The following RBFOX1 variants were observed in gnomAD, a reference collection of about 807,000 sequenced individuals.
RBFOX1 encodes the protein RNA binding protein fox-1 homolog 1.
In RBFOX1, 8 loss-of-function variants were observed where a neutral mutation model predicts 57.7. The ratio of observed to expected loss-of-function variants is 0.14; its 90% CI spans 0.08 to 0.25. The LOEUF is 0.25. RBFOX1 is among the 10% of genes least tolerant of loss of function. RBFOX1 has a pLI of 1.00. For missense variants in RBFOX1, 611 were observed against 548.5 expected (o/e 1.11, Z -1.14); for synonymous variants, 326 against 222.4 (o/e 1.47, Z -4.15).
intron 3 of RBFOX1, among the ~76,000 whole-genome samples, chr16:6,916,034 C>G (rs1237823406): frequency 6.6e-6 from 1 of 152,010 alleles, no homozygotes; most frequent in Admixed American, 6.6e-5. Context: ...TCTTGACTGG[C>G]AGGAAGACAG....
intron 3 of RBFOX1, among the ~76,000 whole-genome samples, chr16:5,835,319 G>A (rs1479955807): frequency 5.3e-5 from 8 of 152,186 alleles, no homozygotes; most frequent in Admixed American, 2.6e-4. Flanking sequence ...AAAGGGCAGG[G>A]CACGTAGACA....
chr16:7,323,912 G>A (rs1209828952), intron 4 of RBFOX1, among the ~76,000 whole-genome samples: 1 of 147,920 alleles, frequency 6.8e-6, no homozygotes, highest in African/African-American at 2.5e-5. Flanking sequence ...GAGTGGATGG[G>A]TGGGTAGACG....
intron 4 of RBFOX1, among the ~76,000 whole-genome samples, chr16:7,131,299 C>G (rs763236090): frequency 6.2e-5 from 9 of 146,172 alleles, no homozygotes; most frequent in Non-Finnish European, 1.0e-4. Flanking sequence ...TGAGCCAAGA[C>G]CACACCATTG....
chr16:6,231,830 A>G (rs900103360), intron 1 of RBFOX1, among the ~76,000 whole-genome samples: 7 of 58,970 alleles, frequency 1.2e-4, no homozygotes, highest in East Asian at 7.5e-4. Flanking sequence ...GTAGCTTTCC[A>G]GTTTTTTTTT....
intron 1 of RBFOX1, among the ~76,000 whole-genome samples, chr16:6,156,491 G>C (rs950682300): frequency 3.9e-5 from 6 of 152,162 alleles, no homozygotes; most frequent in African/African-American, 1.4e-4. Context: ...CCTTGAGAAG[G>C]TTTCTTGATC....
intron 3 of RBFOX1, chr16:6,704,479 G>T (rs1485361705): frequency 6.6e-6 from 1 of 152,302 alleles, no homozygotes; most frequent in Non-Finnish European, 1.5e-5. Flanking sequence ...ACAGCAGGCT[G>T]AACAGCAAAC....
In RBFOX1 at chr16:7,384,187, CATATATGAAAT is replaced by C. The variant is rs533154092; in HGVS notation, c.28-133949_28-133939del. The stretch of plus-strand genomic sequence containing the variant: ...CTGTGCTTTTCATATATATATGAAA[CATATATGAAAT>C]ATATATGAAACATATATGAAATATA... On this transcript the variant is annotated intron_variant, in intron 4 of 15. Coordinates refer to ENST00000550418, the MANE Select transcript of RBFOX1 (RefSeq NM_018723.4). Among the ~76,000 whole-genome samples, 190 of 151,258 alleles carry C rather than the reference CATATATGAAAT, an allele frequency of 1.3e-3. 1 individual carries two copies. In the Middle Eastern group the frequency reaches 0.014, roughly 11 times the overall value.
intron 4 of RBFOX1, among the ~76,000 whole-genome samples, chr16:7,060,687 A>G (rs148318357): frequency 4.1e-4 from 62 of 152,260 alleles, no homozygotes; most frequent in African/African-American, 1.3e-3. Context: ...ATCCCCCAGC[A>G]AGTAATTTCT....
chr16:6,738,287 G>C (rs1410046129), intron 3 of RBFOX1, among the ~76,000 whole-genome samples: 1 of 150,970 alleles, frequency 6.6e-6, no homozygotes, highest in African/African-American at 2.5e-5. Context: ...ACTGCTTTAA[G>C]AGTTTCCATA....
intron 1 of RBFOX1, among the ~76,000 whole-genome samples, chr16:5,252,147 G>T (rs995126562): frequency 2.0e-5 from 3 of 152,192 alleles, no homozygotes; most frequent in Non-Finnish European, 2.9e-5. Context: ...CAGAGGACAG[G>T]GAAGTGTGGA....
chr16:7,359,162 G>A (rs1171753101), intron 4 of RBFOX1, among the ~76,000 whole-genome samples: 1 of 152,178 alleles, frequency 6.6e-6, no homozygotes, highest in African/African-American at 2.4e-5. Context: ...TGCAAATGCT[G>A]TGTGACCTTT....
At chr16:6,954,353 A>G (rs528056728) in intron 3 of RBFOX1, among the ~76,000 whole-genome samples, 35 of 152,270 alleles carry the variant, frequency 2.3e-4, no homozygotes, top group African/African-American at 7.7e-4. Context: ...TAGTTACAAT[A>G]ACGGTCTTCC....
At chr16:5,320,220 T>C (rs2064365232) in intron 1 of RBFOX1, among the ~76,000 whole-genome samples, 1 of 152,186 alleles carries the variant, frequency 6.6e-6, no homozygotes. Flanking sequence ...ATTCTGGTAG[T>C]TGAGAAGGGC....
intron 2 of RBFOX1, among the ~76,000 whole-genome samples, chr16:5,529,542 G>A (rs1038373146): frequency 3.3e-5 from 5 of 150,700 alleles, no homozygotes; most frequent in South Asian, 2.1e-4. Context: ...GACTACAGGC[G>A]TGCACCACCA....
intron 2 of RBFOX1, among the ~76,000 whole-genome samples, chr16:6,558,626 G>A (rs1266404752): frequency 2.0e-5 from 3 of 152,106 alleles, no homozygotes; most frequent in Non-Finnish European, 2.9e-5. Context: ...TCATGTCAAT[G>A]TCTAGAAAAA....
intron 2 of RBFOX1, among the ~76,000 whole-genome samples, chr16:5,483,874 C>A (rs771264966): frequency 6.6e-6 from 1 of 152,168 alleles, no homozygotes; most frequent in Non-Finnish European, 1.5e-5. Flanking sequence ...AGGCTGTAAT[C>A]ACGATGCCTG....
chr16:6,552,072 T>G (rs2097000945), intron 2 of RBFOX1, among the ~76,000 whole-genome samples: 1 of 152,224 alleles, frequency 6.6e-6, no homozygotes, highest in Non-Finnish European at 1.5e-5. Context: ...GGTAACAGGT[T>G]ATGCTTTTAG....
intron 4 of RBFOX1, among the ~76,000 whole-genome samples, chr16:7,164,630 G>T (rs1273967449): frequency 6.6e-6 from 1 of 152,128 alleles, no homozygotes; most frequent in South Asian, 2.1e-4. Flanking sequence ...TTTCTTTTCT[G>T]TGTATACACA....
intron 5 of RBFOX1, among the ~76,000 whole-genome samples, chr16:7,560,427 C>T (rs2090042299): frequency 1.4e-5 from 1 of 72,294 alleles, no homozygotes; most frequent in Non-Finnish European, 3.4e-5. Flanking sequence ...GAATTCAAGT[C>T]TCCTAAATGA....
Sources: gnomAD v4.1 joint callset for allele counts (sites outside exome capture counted in the v4.1 genomes callset) on GRCh38, gnomAD v4.1.1 for gene constraint, MANE v1.5 for transcripts, NCBI Gene and HGNC (gene_info 2026-07-23, HGNC 2026-07-21) for gene names.